Variants in ALG9 observed in about 807,000 individuals in gnomAD.
ALG9 encodes the protein alpha-1,2-mannosyltransferase ALG9.
Under a neutral mutation model 81.8 loss-of-function variants are expected in ALG9, and 55 were observed. The ratio of observed to expected loss-of-function variants is 0.67; its 90% CI spans 0.54 to 0.84. ALG9 has a LOEUF of 0.84. ALG9 is among the 40% of genes least tolerant of loss of function. The pLI is 0.00. For missense variants in ALG9, 629 were observed against 745.0 expected, an observed-to-expected ratio of 0.84 and a Z score of 1.81; for synonymous variants, 278 against 274.3, an observed-to-expected ratio of 1.01 and a Z score of -0.13.
chr11:111,773,804 G>C, the ALG9 span, among the ~76,000 whole-genome samples: 1 of 149,834 alleles, frequency 6.7e-6, no homozygotes, highest in Admixed American at 6.7e-5. Flanking sequence ...ACCCAGTCTG[G>C]AGTGCAGTAG....
In ALG9 at chr11:111,784,127, G is replaced by A. The variant is rs1222928547; in HGVS notation, c.*2270C>T. ...TGTTTCACTTAAAATTCTCTGTCCT[G>A]TAGTCAGATCATATGTGCTAGTTTT... On this transcript the variant is annotated 3_prime_UTR_variant, in exon 15 of 15. Coordinates refer to ENST00000616540, the MANE Select transcript of ALG9 (RefSeq NM_024740.2). The A allele has an allele frequency of 1.3e-5, 2 of 152,196 alleles. No homozygotes were observed. The highest frequency in any genetic ancestry group is 6.5e-5 in the Admixed American group (1 of 15,278). 9.4% of individuals were successfully genotyped at this position (152,196 alleles called of 1,614,324 possible).
chr11:111,816,884 T>G (rs1951563639), intron 13 of ALG9, among the ~76,000 whole-genome samples: 1 of 152,024 alleles, frequency 6.6e-6, no homozygotes, highest in Non-Finnish European at 1.5e-5. Flanking sequence ...AACTTATAAT[T>G]TAGGTAAGGA....
chr11:111,802,440 C>T (rs1267686274), intron 14 of ALG9, among the ~76,000 whole-genome samples: 1 of 152,212 alleles, frequency 6.6e-6, no homozygotes, highest in Non-Finnish European at 1.5e-5. Flanking sequence ...CTAAACTCCA[C>T]ATATGATTGC....
chr11:111,828,729 T>G (rs946258773), intron 13 of ALG9: 1 of 152,192 alleles, frequency 6.6e-6, no homozygotes, highest in Non-Finnish European at 1.5e-5. Context: ...ACCACAGATC[T>G]TCTTGGTAGG....
intron 4 of ALG9, among the ~76,000 whole-genome samples, chr11:111,861,854 A>G (rs1555148241): frequency 6.6e-6 from 1 of 151,970 alleles, no homozygotes; most frequent in Admixed American, 6.6e-5. Context: ...AACCTAATAT[A>G]CAATTTTAGG....
chr11:111,806,288 T>C (rs1591920223), intron 14 of ALG9, among the ~76,000 whole-genome samples: 1 of 152,190 alleles, frequency 6.6e-6, no homozygotes, highest in African/African-American at 2.4e-5. Flanking sequence ...CTTGTCCATA[T>C]TTGCTACACC....
At chr11:111,851,883 A>G (rs1555138895) in intron 8 of ALG9, among the ~76,000 whole-genome samples, 3 of 152,226 alleles carry the variant, frequency 2.0e-5, no homozygotes, top group Non-Finnish European at 4.4e-5. Flanking sequence ...GGGATCTTAG[A>G]GCCATAAAGG....
At chr11:111,845,788 C>A (rs1271653149) in intron 8 of ALG9, among the ~76,000 whole-genome samples, 5 of 152,164 alleles carry the variant, frequency 3.3e-5, no homozygotes, top group Non-Finnish European at 7.3e-5. Context: ...AATCAGAAGG[C>A]AGAGGAATAG....
intron 8 of ALG9, among the ~76,000 whole-genome samples, chr11:111,848,590 CAAAAA>C (rs60317912): frequency 6.0e-5 from 3 of 50,224 alleles, no homozygotes; most frequent in Admixed American, 2.3e-4. Context: ...AACTCCATCT[CAAAAA>C]AAAAAAAAAA....
chr11:111,860,608 G>C lies in ALG9; in HGVS notation c.504C>G (p.His168Gln). ...AGAAGGCTAGCATCATTCGACTCAC[G>C]TGCAACCCAAACTTCTTGCACACAG... The part of the protein sequence containing the change: ...YKAVCKKFGL[H>Q]VSRMMLAFLV... Residue 168 changes from histidine (H) to glutamine (Q), a missense_variant, in exon 5 of 15, where the codon CAC becomes CAG. Coordinates refer to ENST00000616540, the MANE Select transcript of ALG9 (RefSeq NM_024740.2). 1 of 1,613,882 alleles carries C rather than the reference G, an allele frequency of 6.2e-7. No homozygotes were observed. Among genetic ancestry groups the C allele is most frequent in the South Asian group, 1.1e-5 (1 of 91,022 alleles).
At chr11:111,788,655 G>C in intron 14 of ALG9, 2 of 363,056 alleles carry the variant, frequency 5.5e-6, no homozygotes, top group Non-Finnish European at 1.1e-5. Context: ...TGAGCTGGTA[G>C]TATGGCATGA....
At chr11:111,861,025 G>T (rs985960481) in intron 4 of ALG9, among the ~76,000 whole-genome samples, 15 of 152,126 alleles carry the variant, frequency 9.9e-5, no homozygotes, top group African/African-American at 3.1e-4. Context: ...ATAAAATAAT[G>T]ATAATAATAC....
chr11:111,846,026 G>A (rs1555129365), intron 8 of ALG9, among the ~76,000 whole-genome samples: 1 of 152,196 alleles, frequency 6.6e-6, no homozygotes, highest in Non-Finnish European at 1.5e-5. Context: ...CAGTTCATTA[G>A]GGACATTTTA....
At chr11:111,779,364 G>A (rs994875391), downstream of ALG9, among the ~76,000 whole-genome samples, 7 of 152,122 alleles carry the variant, frequency 4.6e-5, no homozygotes, top group South Asian at 2.1e-4. Flanking sequence ...GAGAGCTCTT[G>A]TAAGGCGAGT....
chr11:111,847,490 C>T lies in ALG9; in HGVS notation c.896-2767G>A, dbSNP rs112169453. 6.5e-3 allele frequency among the ~76,000 whole-genome samples: 984 copies of T among 152,282 alleles called. 11 individuals are homozygous for T. The highest frequency in any genetic ancestry group is 0.022 in the African/African-American group (918 of 41,558). On this transcript the variant is annotated intron_variant, in intron 8 of 14. Transcript: ENST00000616540. ...ATTTCCTGTAAGTGTATTCCCATGCCTTCTCCAGGCCTGTGCACTCCTCAG... is the reference window on the plus strand; with the variant it reads ...ATTTCCTGTAAGTGTATTCCCATGCTTTCTCCAGGCCTGTGCACTCCTCAG...
intron 13 of ALG9, among the ~76,000 whole-genome samples, chr11:111,810,244 T>C (rs1555089963): frequency 6.6e-6 from 1 of 152,136 alleles, no homozygotes; most frequent in Non-Finnish European, 1.5e-5. Context: ...ATCATGCATA[T>C]CATCTCCTTC....
chr11:111,866,097 C>A (rs1962326695), intron 3 of ALG9, among the ~76,000 whole-genome samples: 1 of 152,178 alleles, frequency 6.6e-6, no homozygotes, highest in South Asian at 2.1e-4. Context: ...GAGTTCGAGA[C>A]CAGCCTGGCC....
chr11:111,855,924 C>T lies in ALG9; in HGVS notation c.701+1678G>A, dbSNP rs112515970. Among the ~76,000 whole-genome samples the T allele has an allele frequency of 9.7e-3, 1,479 of 152,192 alleles. 39 individuals carry two copies. Among genetic ancestry groups the T allele is most frequent in the African/African-American group, 0.034 (1,418 of 41,532 alleles). The stretch of plus-strand genomic sequence containing the variant: ...AAAATGGACTATTCTCTTAGTAACT[C>T]CCCTCATAAAAATTTACCCCATAGG... On this transcript the variant is annotated intron_variant, in intron 6 of 14. Transcript: ENST00000616540.
intron 2 of ALG9, among the ~76,000 whole-genome samples, chr11:111,869,905 A>G (rs782648450): frequency 2.6e-5 from 4 of 151,988 alleles, no homozygotes; most frequent in Non-Finnish European, 5.9e-5. Flanking sequence ...TCTGCCTCCC[A>G]TGATCAAGCA....
Sources: gnomAD v4.1 joint callset for allele counts (sites outside exome capture counted in the v4.1 genomes callset) on GRCh38, gnomAD v4.1.1 for gene constraint, MANE v1.5 for transcripts, NCBI Gene and HGNC (gene_info 2026-07-23, HGNC 2026-07-21) for gene names.